ZSWIM2: variants seen among roughly 807,000 people sequenced by gnomAD.
The protein encoded by ZSWIM2 is E3 ubiquitin-protein ligase ZSWIM2.
In ZSWIM2, 38 loss-of-function variants were observed where a neutral mutation model predicts 48.4. That is an observed-to-expected ratio of 0.79 (90% CI 0.61 to 1.03). The LOEUF is 1.03. ZSWIM2 is among the 50% of genes least tolerant of loss of function. The probability of loss-of-function intolerance (pLI) is 0.00; values close to 1 mark genes in which losing one functional copy is unlikely to be tolerated. For missense variants in ZSWIM2, 776 were observed against 730.2 expected, an observed-to-expected ratio of 1.06 and a Z score of -0.72; for synonymous variants, 240 against 251.3, an observed-to-expected ratio of 0.96 and a Z score of 0.42.
At position 186,839,501 on chromosome 2, in the gene ZSWIM2, T is replaced by G. The variant is rs572705874; in HGVS notation, c.284-332A>C. Among the ~76,000 whole-genome samples, 117 of 151,914 alleles carry G rather than the reference T, an allele frequency of 7.7e-4. 1 individual carries two copies. The highest frequency in any genetic ancestry group is 2.7e-3 in the African/African-American group (112 of 41,538). On this transcript the variant is annotated intron_variant, in intron 3 of 8. Transcript: ENST00000295131. ...ACCTGTTCACTAGTCCATAAACAAA[T>G]ATTTTGTCAACATATAAGAATATTA...
rs760352564 is a variant in ZSWIM2 at position 186,849,036 on chromosome 2, T to C, written c.95A>G (p.Tyr32Cys). 2 of 1,614,130 alleles carry C rather than the reference T, an allele frequency of 1.2e-6. No homozygotes were observed. The highest frequency in any genetic ancestry group is 3.3e-5 in the Admixed American group (2 of 60,018). Reference protein sequence around the residue: ...HQDQALSSSIYLLREMGPTGF... With the variant: ...HQDQALSSSICLLREMGPTGF... ...AGTGGGGCCCATCTCTCGTAGGAGG[T>C]AGATGCTGCTACTCAGCGCCTGGTC... Residue 32 changes from tyrosine to cysteine, a missense_variant, in exon 1 of 9, where the codon TAC becomes TGC. By Grantham distance (194) the Tyr-to-Cys change is radical. Transcript: ENST00000295131.
Position 186,828,300 on chromosome 2 carries a change from T to C in ZSWIM2, c.1586A>G (p.Glu529Gly), listed in dbSNP as rs181546991. ...HKNIVCPTAM[E>G]SPCISGKFHT... ...AAATTTTCCACTGATGCATGGACTTTCCATTGCAGTGGGACACACAATATT... is the reference window on the plus strand; with the variant it reads ...AAATTTTCCACTGATGCATGGACTTCCCATTGCAGTGGGACACACAATATT... The change falls in exon 9 of 9, where the codon GAA (glutamate) becomes GGA (glycine). Residue 529 changes from glutamate to glycine, a missense_variant. Glu to Gly is a moderately conservative substitution (Grantham distance 98). Transcript: ENST00000295131. The C allele has an allele frequency of 9.6e-5, 155 of 1,613,726 alleles. 1 individual carries two copies. In the Admixed American group the frequency reaches 2.4e-3, roughly 25 times the overall value.
intron 4 of ZSWIM2, 74 bp from the exon 5 acceptor site, chr2:186,837,628 ATT>A (rs1491215629): frequency 8.9e-5 from 32 of 360,566 alleles, no homozygotes; most frequent in Middle Eastern, 1.2e-3. Context: ...ATATATATAT[ATT>A]ATATATATAT....
intron 2 of ZSWIM2, among the ~76,000 whole-genome samples, chr2:186,846,794 TATACAC>T (rs1447388669): frequency 1.6e-4 from 12 of 76,458 alleles, no homozygotes; most frequent in African/African-American, 5.0e-4. Flanking sequence ...AACATATATA[TATACAC>T]ACACACACAC....
Position 186,833,996 on chromosome 2 carries a change from C to T in ZSWIM2, c.778G>A (p.Glu260Lys), listed in dbSNP as rs1398565960. ...AGATGGCAGCAGCTATCAAAACATT[C>T]CTGGCATAAGTGATATTCTATGCAT... ...TECIEYHLCQECFDSCCHLSH... is the reference protein window; with the variant it reads ...TECIEYHLCQKCFDSCCHLSH... The change falls in exon 6 of 9, where the codon GAA becomes AAA. Residue 260 changes from glutamate to lysine, a missense_variant. Transcript: ENST00000295131. The T allele has an allele frequency of 6.2e-7, 1 of 1,613,180 alleles. No individual in the cohort carries two copies. Among genetic ancestry groups the T allele is most frequent in the South Asian group, 1.1e-5 (1 of 91,076 alleles).
intron 7 of ZSWIM2, among the ~76,000 whole-genome samples, chr2:186,832,619 A>G (rs1019301440): frequency 6.6e-6 from 1 of 152,154 alleles, no homozygotes; most frequent in Non-Finnish European, 1.5e-5. Context: ...TCAAATGCAA[A>G]TTTCAAATAT....
intron 4 of ZSWIM2, among the ~76,000 whole-genome samples, chr2:186,838,157 G>C (rs1246202258): frequency 2.6e-5 from 4 of 151,270 alleles, no homozygotes; most frequent in African/African-American, 9.7e-5. Context: ...AATTTTTCAA[G>C]TCCAACTTTA....
Position 186,827,846 on chromosome 2 carries a change from T to C in ZSWIM2, c.*138A>G. ...ATAGAATCATTTCCTTTAAGTGTAGTGAGCTGTTTATAGGTAAGTAGGCAA... is the reference window on the plus strand; with the variant it reads ...ATAGAATCATTTCCTTTAAGTGTAGCGAGCTGTTTATAGGTAAGTAGGCAA... On this transcript the variant is annotated 3_prime_UTR_variant, in exon 9 of 9. Transcript: ENST00000295131. 1.7e-6 allele frequency: 1 copy of C among 588,754 alleles called. No homozygotes were observed. The allele number at this position is 588,754 out of a possible 1,614,324, so 36.5% of individuals were successfully genotyped here.
rs918273477 is a variant in ZSWIM2, at chr2:186,827,930, T to C, written c.*54A>G. 5.0e-6 allele frequency: 7 copies of C among 1,392,608 alleles called. No homozygotes were observed. Among genetic ancestry groups the C allele is most frequent in the African/African-American group, 1.5e-5 (1 of 68,346 alleles). 86.3% of individuals were successfully genotyped at this position (1,392,608 alleles called of 1,614,324 possible). On this transcript the variant is annotated 3_prime_UTR_variant, in exon 9 of 9. Transcript: ENST00000295131. ...GACTATGTGTGCTTTTTATGTTCTATATAAAACATTTTTTTATATTCAACA... is the reference window on the plus strand; with the variant it reads ...GACTATGTGTGCTTTTTATGTTCTACATAAAACATTTTTTTATATTCAACA...
In ZSWIM2 at chr2:186,827,675, A is replaced by G. The variant is rs1219960248; in HGVS notation, c.*309T>C. Among the ~76,000 whole-genome samples, 1 of 152,066 alleles carries G rather than the reference A, an allele frequency of 6.6e-6. No individual in the cohort carries two copies. Among genetic ancestry groups the G allele is most frequent in the South Asian group, 2.1e-4 (1 of 4,836 alleles). On this transcript the variant is annotated 3_prime_UTR_variant, in exon 9 of 9. Transcript: ENST00000295131. ...GAAAAATATTTGAAAACAGTGACTC[A>G]AAGTAGGAAAAATCTATTTCCTTAA...
chr2:186,839,399 G>T (rs1691863413), intron 3 of ZSWIM2, among the ~76,000 whole-genome samples: 1 of 151,564 alleles, frequency 6.6e-6, no homozygotes, highest in Admixed American at 6.6e-5. Flanking sequence ...AACTGAAAAA[G>T]AGTCAATGCA....
chr2:186,827,805 G>A lies in ZSWIM2; in HGVS notation c.*179C>T, dbSNP rs1462499467. 1 of 446,088 alleles carries A rather than the reference G, an allele frequency of 2.2e-6. No homozygotes were observed. Among genetic ancestry groups the A allele is most frequent in the Non-Finnish European group, 3.9e-6 (1 of 255,346 alleles). The allele number at this position is 446,088 out of a possible 1,614,324, so 27.6% of individuals were successfully genotyped here. A position where few individuals can be genotyped will look rare whatever the true frequency, so the allele number is the denominator to read the frequency against. On this transcript the variant is annotated 3_prime_UTR_variant, in exon 9 of 9. Transcript: ENST00000295131. ...TATATTCATGAAGACACCTAATGCT[G>A]TAAGTCATATAAGTAATAGAATCAT...
At position 186,844,722 on chromosome 2, in the gene ZSWIM2, T is replaced by C. The variant is rs1289464938; in HGVS notation, c.278A>G (p.His93Arg). The change falls in exon 3 of 9, where the codon CAT becomes CGT. Residue 93 changes from histidine (H) to arginine (R), a missense_variant. His to Arg is a conservative substitution (Grantham distance 29). Transcript: ENST00000295131. ...ACCCAAACCCCAAAACTTACATTCA[T>C]GGTTCCTTGGAAGCTTGAATTTTTT... is the stretch of plus-strand genomic sequence containing the variant. Reference protein sequence around the residue: ...LLKKFKLPRNHESALQLGLGE... With the variant: ...LLKKFKLPRNRESALQLGLGE... 11 of 1,557,620 alleles carry C rather than the reference T, an allele frequency of 7.1e-6. No homozygotes were observed. The highest frequency in any genetic ancestry group is 2.5e-5 in the South Asian group (2 of 79,358).
intron 4 of ZSWIM2, among the ~76,000 whole-genome samples, chr2:186,838,289 T>C (rs1345873070): frequency 4.0e-5 from 6 of 150,830 alleles, no homozygotes; most frequent in Non-Finnish European, 5.9e-5. Context: ...AAAACAAGAA[T>C]TGGTTATGTA....
At chr2:186,833,271 T>G in intron 6 of ZSWIM2, 39 bp from the exon 7 acceptor site, 2 of 1,005,974 alleles carry the variant, frequency 2.0e-6, no homozygotes. Flanking sequence ...TGCAAAGTCG[T>G]GGATATTTTC....
chr2:186,840,073 G>A (rs540049042), intron 3 of ZSWIM2, among the ~76,000 whole-genome samples: 151 of 151,516 alleles, frequency 1.0e-3, no homozygotes, highest in African/African-American at 3.4e-3. Flanking sequence ...CTAAAATACT[G>A]AAAACATCAC....
chr2:186,838,900 C>T, intron 4 of ZSWIM2, 59 bp downstream of exon 4: 2 of 1,488,270 alleles, frequency 1.3e-6, no homozygotes. Flanking sequence ...GGTAATAAAT[C>T]AGAAATATGT....
Position 186,849,154 on chromosome 2 carries a change from C to G in ZSWIM2, c.-24G>C. On this transcript the variant is annotated 5_prime_UTR_variant, in exon 1 of 9. Coordinates refer to ENST00000295131, the MANE Select transcript of ZSWIM2 (RefSeq NM_182521.3). ...ATGCTGGGTGCGGGCGGAGGCGGCC[C>G]CTCTGCTCGGCTCACTGAGGCGCCA... 1.3e-6 allele frequency: 2 copies of G among 1,591,560 alleles called. No homozygotes were observed.
At chr2:186,835,487 A>T (rs1390354576) in intron 5 of ZSWIM2, among the ~76,000 whole-genome samples, 1 of 147,640 alleles carries the variant, frequency 6.8e-6, no homozygotes, top group Non-Finnish European at 1.5e-5. Flanking sequence ...TACTCTTTGT[A>T]CATACAGGGA....
Sources: allele counts gnomAD v4.1 joint callset (sites outside exome capture counted in the v4.1 genomes callset), GRCh38; gene constraint gnomAD v4.1.1; transcripts MANE v1.5; gene names NCBI Gene and HGNC (gene_info 2026-07-23, HGNC 2026-07-21).